Variants in ANKLE1 observed in about 807,000 individuals in gnomAD.
ANKLE1 encodes the protein structure-specific endonuclease ANKLE1.
Under a neutral mutation model 56.2 loss-of-function variants are expected in ANKLE1, and 59 were observed. The ratio of observed to expected loss-of-function variants is 1.05; its 90% CI spans 0.85 to 1.30. The LOEUF is 1.30. Among genes scored for constraint, ANKLE1 ranks in the 50% most tolerant of loss-of-function variants. The pLI, the probability that ANKLE1 is intolerant of heterozygous loss-of-function variation, is 0.00. For missense variants in ANKLE1, 771 were observed against 816.1 expected (o/e 0.94, Z 0.67); for synonymous variants, 341 against 352.9 (o/e 0.97, Z 0.38).
At position 17,281,947 on chromosome 19, in the gene ANKLE1, C is replaced by T. The variant is rs1303886883; in HGVS notation, c.27C>T (p.Arg9=). Residue 9 remains arginine, a synonymous_variant, in exon 1 of 9, where the codon CGC becomes CGT. Coordinates refer to ENST00000404085, the MANE Select transcript of ANKLE1 (RefSeq NM_152363.6). ...TGTGCTCGGAGGCCCGCCTGGCTCGCAGGTTGCGGGATGCGCTGCGGGAGG... is the reference window on the plus strand; with the variant it reads ...TGTGCTCGGAGGCCCGCCTGGCTCGTAGGTTGCGGGATGCGCTGCGGGAGG... MCSEARLA[R]RLRDALREEE... 6.5e-7 allele frequency: 1 copy of T among 1,534,346 alleles called. No individual in the cohort carries two copies.
At position 17,283,685 on chromosome 19, in the gene ANKLE1, A is replaced by T; in HGVS notation, c.921A>T (p.Pro307=). Residue 307 remains proline (P), a synonymous_variant, in exon 5 of 9, where the codon CCA becomes CCT. Transcript: ENST00000404085. ...LLDRSPAHSP[P]RTPTPGASDC... Reference sequence around the variant, plus strand: ...ACAGGAGTCCAGCTCATAGCCCCCCACGGACACCAACCCCTGGAGCTTCTG... The same window carrying T: ...ACAGGAGTCCAGCTCATAGCCCCCCTCGGACACCAACCCCTGGAGCTTCTG... 1 of 1,612,806 alleles carries T rather than the reference A, an allele frequency of 6.2e-7. No individual in the cohort carries two copies. Among genetic ancestry groups the T allele is most frequent in the Non-Finnish European group, 8.5e-7 (1 of 1,179,730 alleles).
rs746313525 is a variant in ANKLE1 at position 17,283,854 on chromosome 19, T to A, written c.1090T>A (p.Leu364Met). ...CCTGCCAGTCTCCACTGTGTCTGAC[T>A]TGGAGTTGCTGAAGGGACTCCGAGC... The part of the protein sequence containing the change: ...RHLPVSTVSD[L>M]ELLKGLRALG... Residue 364 changes from leucine to methionine, a missense_variant, in exon 5 of 9, where the codon TTG becomes ATG. By Grantham distance (15) the Leu-to-Met change is conservative (BLOSUM62 2). Transcript: ENST00000404085. The A allele has an allele frequency of 1.2e-6, 2 of 1,613,610 alleles. No homozygotes were observed. Among genetic ancestry groups the A allele is most frequent in the Non-Finnish European group, 1.7e-6 (2 of 1,179,914 alleles).
chr19:17,283,106 C>T, intron 4 of ANKLE1, 104 bp downstream of exon 4: 1 of 1,542,154 alleles, frequency 6.5e-7, no homozygotes, highest in Non-Finnish European at 8.7e-7. Flanking sequence ...CTCACATCCA[C>T]TATTTGTGGC....
In ANKLE1 at chr19:17,286,409, G is replaced by A; in HGVS notation, c.1705G>A (p.Gly569Arg). 1.3e-6 allele frequency: 2 copies of A among 1,589,126 alleles called. No individual in the cohort carries two copies. The highest frequency in any genetic ancestry group is 1.3e-5 in the African/African-American group (1 of 74,518). The part of the protein sequence containing the change: ...GIQTLTNQKQ[G>R]HCYGVVAGWP... ...CCAGACGCTCACCAACCAGAAGCAA[G>A]GGCACTGCTATGGAGTGGTGGCAGG... The change falls in exon 9 of 9, where the codon GGG becomes AGG. Residue 569 changes from glycine to arginine, a missense_variant. By Grantham distance (125) the Gly-to-Arg change is moderately radical. Coordinates refer to ENST00000404085, the MANE Select transcript of ANKLE1 (RefSeq NM_152363.6).
At chr19:17,284,700 T>TTTTTTG (rs2074013408) in intron 6 of ANKLE1, among the ~76,000 whole-genome samples, 1 of 148,586 alleles carries the variant, frequency 6.7e-6, no homozygotes, top group African/African-American at 2.5e-5. Flanking sequence ...TTTTTTTTTT[T>TTTTTTG]TTTGAGGCGG....
rs778991017 is a variant in ANKLE1 at position 17,284,087 on chromosome 19, A to T, written c.1199-2A>T. On this transcript the variant is annotated splice_acceptor_variant, in intron 5 of 8. Coordinates refer to ENST00000404085, the MANE Select transcript of ANKLE1 (RefSeq NM_152363.6). LOFTEE classifies it high-confidence loss of function. The stretch of plus-strand genomic sequence containing the variant: ...CCTTCCTCCATCTCCCTTGACTTCC[A>T]GGCCCAGAGTTTTCAGGGCACAGCC... 1.9e-6 allele frequency: 3 copies of T among 1,613,216 alleles called. No homozygotes were observed. The highest frequency in any genetic ancestry group is 2.5e-6 in the Non-Finnish European group (3 of 1,179,318).
intron 5 of ANKLE1, 36 bp downstream of exon 5, chr19:17,283,998 C>G: frequency 6.3e-7 from 1 of 1,592,078 alleles, no homozygotes; most frequent in East Asian, 2.2e-5. Context: ...TCCAGGGAGC[C>G]TCCAGGAATC....
rs772897917 is a variant in ANKLE1 at position 17,285,800 on chromosome 19, G to A, written c.1656G>A (p.Ala552=). The change falls in exon 8 of 9, where the codon GCG becomes GCA. Residue 552 remains alanine (A), a synonymous_variant. Transcript: ENST00000404085. Reference sequence around the variant, plus strand: ...CTGTGGAGGCTTATACACGGGAGGCGTGTATTGTGGAAGCCCTAGGTGGGT... The same window carrying A: ...CTGTGGAGGCTTATACACGGGAGGCATGTATTGTGGAAGCCCTAGGTGGGT... ...VVAVEAYTRE[A]CIVEALGIQT... 85 of 1,613,534 alleles carry A rather than the reference G, an allele frequency of 5.3e-5. No individual in the cohort carries two copies. In the South Asian group the frequency reaches 5.5e-4, roughly 10 times the overall value.
At chr19:17,285,116 A>G (rs1339109180) in intron 6 of ANKLE1, among the ~76,000 whole-genome samples, 1 of 151,828 alleles carries the variant, frequency 6.6e-6, no homozygotes, top group Non-Finnish European at 1.5e-5. Flanking sequence ...AAAATTAGCC[A>G]GGTGTGTTGG....
intron 8 of ANKLE1, among the ~76,000 whole-genome samples, 163 bp downstream of exon 8, chr19:17,285,982 C>G: frequency 6.6e-6 from 1 of 152,126 alleles, no homozygotes; most frequent in East Asian, 1.9e-4. Context: ...GGTTTATCCC[C>G]ACTCAAGGGC....
Position 17,286,672 on chromosome 19 carries a change from GT to G in ANKLE1, c.*121del, listed in dbSNP as rs2074037113. The G allele has an allele frequency of 9.3e-7, 1 of 1,078,426 alleles. No individual in the cohort carries two copies. 66.8% of individuals were successfully genotyped at this position (1,078,426 alleles called of 1,614,324 possible). A position where few individuals can be genotyped will look rare whatever the true frequency, so the allele number is the denominator to read the frequency against. ...GGTGTGTGTGTGTGTGTGTGTGTGT[GT>G]GTGTGTGTGTGTGTGTGTTTGTGTG... On this transcript the variant is annotated 3_prime_UTR_variant, in exon 9 of 9. Transcript: ENST00000404085.
In ANKLE1 at chr19:17,282,682, A is replaced by G; in HGVS notation, c.242A>G (p.His81Arg). Residue 81 changes from histidine (H) to arginine (R), a missense_variant, in exon 3 of 9, where the codon CAT becomes CGT. Transcript: ENST00000404085. ...ARSVEALTPL[H>R]VAAAWGCRRG... ...TCTGTCGAGGCACTGACGCCGCTGC[A>G]TGTGGCCGCCGCGTGGGGCTGCCGC... 6 of 1,535,204 alleles carry G rather than the reference A, an allele frequency of 3.9e-6. No individual in the cohort carries two copies. The highest frequency in any genetic ancestry group is 5.2e-6 in the Non-Finnish European group (6 of 1,146,854).
Position 17,283,878 on chromosome 19 carries a change from G to C in ANKLE1, c.1114G>C (p.Ala372Pro). 1.2e-6 allele frequency: 2 copies of C among 1,613,632 alleles called. No homozygotes were observed. Among genetic ancestry groups the C allele is most frequent in the Non-Finnish European group, 1.7e-6 (2 of 1,179,894 alleles). The change falls in exon 5 of 9, where the codon GCA (alanine) becomes CCA (proline). Residue 372 changes from alanine (A) to proline (P), a missense_variant. Coordinates refer to ENST00000404085, the MANE Select transcript of ANKLE1 (RefSeq NM_152363.6). Reference sequence around the variant, plus strand: ...CTTGGAGTTGCTGAAGGGACTCCGAGCACTTGGTGAGAATCCTCACCCCAT... The same window carrying C: ...CTTGGAGTTGCTGAAGGGACTCCGACCACTTGGTGAGAATCCTCACCCCAT... ...SDLELLKGLR[A>P]LGENPHPITP...
intron 8 of ANKLE1, 140 bp downstream of exon 8, chr19:17,285,959 A>C: frequency 8.5e-7 from 1 of 1,174,818 alleles, no homozygotes; most frequent in East Asian, 2.5e-5. Flanking sequence ...ACATGCATGT[A>C]TTTTGCTCCA....
Position 17,283,816 on chromosome 19 carries a change from G to A in ANKLE1, c.1052G>A (p.Gly351Asp). The A allele has an allele frequency of 4.3e-6, 7 of 1,613,280 alleles. No homozygotes were observed. The highest frequency in any genetic ancestry group is 5.9e-6 in the Non-Finnish European group (7 of 1,179,898). Reference protein sequence around the residue: ...ASSTGGREPVGPCRHLPVSTV... With the variant: ...ASSTGGREPVDPCRHLPVSTV... ...TCTACAGGTGGCAGGGAACCTGTCG[G>A]CCCTTGCCGGCACCTGCCAGTCTCC... is the stretch of plus-strand genomic sequence containing the variant. The change falls in exon 5 of 9, where the codon GGC becomes GAC. Residue 351 changes from glycine (G) to aspartate (D), a missense_variant. By Grantham distance (94) the Gly-to-Asp change is moderately conservative. Transcript: ENST00000404085.
At chr19:17,284,407 G>C in intron 6 of ANKLE1, 141 bp downstream of exon 6, 2 of 952,784 alleles carry the variant, frequency 2.1e-6, no homozygotes, top group Non-Finnish European at 3.0e-6. Flanking sequence ...TTTTAAGACG[G>C]AGTTTCACTC....
Position 17,285,471 on chromosome 19 carries a change from C to A in ANKLE1, c.1417C>A (p.Pro473Thr). The change falls in exon 7 of 9, where the codon CCA becomes ACA. Residue 473 changes from proline (P) to threonine (T), a missense_variant. By Grantham distance (38) the Pro-to-Thr change is conservative (BLOSUM62 -1). Transcript: ENST00000404085. ...DLPARAFSLT[P>T]AERLQTFIRA... ...GCCAGCCCGAGCCTTCTCACTGACC[C>A]CAGCTGAGCGCCTTCAGACTTTCAT... is the stretch of plus-strand genomic sequence containing the variant. 1 of 1,613,882 alleles carries A rather than the reference C, an allele frequency of 6.2e-7. No homozygotes were observed.
rs2074033288 is a variant in ANKLE1, at chr19:17,286,553, G to A, written c.*1G>A. On this transcript the variant is annotated 3_prime_UTR_variant, in exon 9 of 9. Transcript: ENST00000404085. ...CCAGGACATCCAGGCCCGGGGCTGA[G>A]TGCTGGGGAGTTGGCCATCCAGCCT... is the stretch of plus-strand genomic sequence containing the variant. The A allele has an allele frequency of 6.2e-7, 1 of 1,601,022 alleles. No individual in the cohort carries two copies. Among genetic ancestry groups the A allele is most frequent in the East Asian group, 2.3e-5 (1 of 44,116 alleles).
chr19:17,286,468 G>A lies in ANKLE1; in HGVS notation c.1764G>A (p.Val588=), dbSNP rs568278462. The A allele has an allele frequency of 2.0e-5, 33 of 1,612,606 alleles. No individual in the cohort carries two copies. The highest frequency in any genetic ancestry group is 1.7e-4 in the Middle Eastern group (1 of 5,994). The change falls in exon 9 of 9, where the codon GTG becomes GTA. Residue 588 remains valine, a synonymous_variant. Transcript: ENST00000404085. ...CTGCTCGTCGCCGGCGCTTGGGGGT[G>A]CACCTGCTGCACCGTGCCCTCCTTG... is the stretch of plus-strand genomic sequence containing the variant. ...WPPARRRRLG[V]HLLHRALLVF...
Sources: allele counts gnomAD v4.1 joint callset (sites outside exome capture counted in the v4.1 genomes callset), GRCh38; gene constraint gnomAD v4.1.1; transcripts MANE v1.5; gene names NCBI Gene and HGNC (gene_info 2026-07-23, HGNC 2026-07-21).